Variants in SPRY3 observed in about 807,000 individuals in gnomAD.
SPRY3 encodes the protein sprouty RTK signaling antagonist 3.
In SPRY3, 15 loss-of-function variants were observed where a neutral mutation model predicts 20.2. That is an observed-to-expected ratio of 0.74 (90% CI 0.50 to 1.14). The LOEUF is 1.14. SPRY3 is among the 50% of genes most tolerant of loss of function. The pLI, the probability that SPRY3 is intolerant of heterozygous loss-of-function variation, is 0.00. For synonymous variants in SPRY3, 143 were observed against 136.5 expected (o/e 1.05, Z -0.33); for missense variants, 364 against 363.9 (o/e 1.00, Z 0.00).
chrX:155,738,052 G>T (rs1247020132), intron 2 of SPRY3, among the ~76,000 whole-genome samples: 1 of 152,072 alleles, frequency 6.6e-6, no homozygotes, highest in African/African-American at 2.4e-5. Flanking sequence ...ATGCAAAATA[G>T]ATCATGGATT....
intron 1 of SPRY3, among the ~76,000 whole-genome samples, chrX:155,616,135 C>CTCTCTCTCTCTCTCTCTCT (rs2067852557): frequency 3.1e-5 from 1 of 32,219 alleles, no homozygotes; most frequent in Non-Finnish European, 1.5e-4. Context: ...TCTCTCCTCT[C>CTCTCTCTCTCTCTCTCTCT]TCTCTCTCTC....
At chrX:155,695,547 T>C (rs1391158126) in intron 2 of SPRY3, among the ~76,000 whole-genome samples, 1 of 111,169 alleles carries the variant, frequency 9.0e-6, no homozygotes, top group African/African-American at 3.3e-5. Flanking sequence ...TTTCTTTACA[T>C]ATTTTTCTGC....
intron 2 of SPRY3, among the ~76,000 whole-genome samples, chrX:155,766,737 C>G (rs2091332847): frequency 6.6e-6 from 1 of 152,154 alleles, no homozygotes; most frequent in South Asian, 2.1e-4. Flanking sequence ...ATGTCCAAGG[C>G]TGCTTTATTT....
chrX:155,704,451 A>T (rs2090934698), intron 2 of SPRY3, among the ~76,000 whole-genome samples: 1 of 151,846 alleles, frequency 6.6e-6, no homozygotes, highest in African/African-American at 2.4e-5. Flanking sequence ...AAATTGAAAC[A>T]AAAATTTAGA....
intron 2 of SPRY3, among the ~76,000 whole-genome samples, chrX:155,746,504 G>C (rs1263987643): frequency 1.3e-5 from 2 of 151,880 alleles, no homozygotes; most frequent in African/African-American, 2.4e-5. Flanking sequence ...TATTCTCCAA[G>C]ATTTAAATTT....
rs183378835 is a variant in SPRY3 at position 155,743,531 on chromosome X, C to T, written c.-281-24431C>T. ...ATGTTTGAAATGGGGATGGCAGCAC[C>T]TGCTTTCTTAGTAACACTGTGAGGG... On this transcript the variant is annotated intron_variant, in intron 2 of 3. Coordinates refer to ENST00000675360, the Ensembl canonical transcript of SPRY3. 4.0e-3 allele frequency among the ~76,000 whole-genome samples: 608 copies of T among 152,198 alleles called. 4 individuals carry two copies. The highest frequency in any genetic ancestry group is 0.014 in the African/African-American group (578 of 41,514).
intron 2 of SPRY3, among the ~76,000 whole-genome samples, chrX:155,716,951 C>T (rs1456709452): frequency 7.3e-6 from 1 of 136,386 alleles, no homozygotes; most frequent in African/African-American, 2.8e-5. Context: ...CTGGGCAACA[C>T]GGTGAAACCC....
intron 2 of SPRY3, among the ~76,000 whole-genome samples, chrX:155,709,166 T>A (rs1275426266): frequency 2.6e-5 from 4 of 151,682 alleles, no homozygotes; most frequent in Non-Finnish European, 5.9e-5. Context: ...ACTGATTTCT[T>A]GTCTTTTGGG....
At chrX:155,687,601 C>A (rs929911948) in intron 2 of SPRY3, among the ~76,000 whole-genome samples, 6 of 112,241 alleles carry the variant, frequency 5.3e-5, no homozygotes, top group Non-Finnish European at 1.1e-4. Context: ...GCATTATATC[C>A]ATTTCTTACA....
At chrX:155,671,545 G>A (rs1481536359) in intron 2 of SPRY3, among the ~76,000 whole-genome samples, 1 of 110,966 alleles carries the variant, frequency 9.0e-6, no homozygotes, top group Non-Finnish European at 1.9e-5. Flanking sequence ...TGAGCAGATA[G>A]CCATAGTGTC....
intron 2 of SPRY3, among the ~76,000 whole-genome samples, chrX:155,718,337 C>T (rs2091035398): frequency 6.6e-6 from 1 of 151,850 alleles, no homozygotes; most frequent in African/African-American, 2.4e-5. Context: ...AAAATACCAC[C>T]CTCCCAGATA....
At chrX:155,721,786 C>T (rs1346785039) in intron 2 of SPRY3, among the ~76,000 whole-genome samples, 6 of 152,212 alleles carry the variant, frequency 3.9e-5, no homozygotes, top group African/African-American at 9.6e-5. Context: ...CAACACCAGA[C>T]CTGTCCTAGA....
intron 2 of SPRY3, among the ~76,000 whole-genome samples, chrX:155,688,803 T>TA (rs2068095584): frequency 5.2e-5 from 3 of 57,459 alleles, no homozygotes; most frequent in African/African-American, 3.9e-4. Context: ...CCTAGCTCTT[T>TA]TCCCTAATGC....
chrX:155,681,275 G>C (rs758766607), intron 2 of SPRY3, among the ~76,000 whole-genome samples: 1 of 111,762 alleles, frequency 8.9e-6, no homozygotes, highest in South Asian at 3.8e-4. Flanking sequence ...TTCTGCTTTT[G>C]CATCTTCCTC....
intron 3 of SPRY3, among the ~76,000 whole-genome samples, chrX:155,770,528 C>T (rs750120023): frequency 6.6e-6 from 1 of 152,220 alleles, no homozygotes; most frequent in Admixed American, 6.5e-5. Context: ...TCATTCATTA[C>T]TGCAGAGGCA....
At chrX:155,727,276 GT>G (rs1403733671) in intron 2 of SPRY3, among the ~76,000 whole-genome samples, 3 of 152,048 alleles carry the variant, frequency 2.0e-5, no homozygotes, top group Non-Finnish European at 4.4e-5. Flanking sequence ...TGACAATTAT[GT>G]GTCTTGGGGT....
intron 2 of SPRY3, among the ~76,000 whole-genome samples, chrX:155,749,583 A>T (rs1042754159): frequency 2.6e-5 from 4 of 151,836 alleles, no homozygotes; most frequent in African/African-American, 9.7e-5. Context: ...GGGGGTTTTG[A>T]CTAATAGCAA....
chrX:155,740,803 C>A (rs750938345), intron 2 of SPRY3, among the ~76,000 whole-genome samples: 1 of 152,198 alleles, frequency 6.6e-6, no homozygotes, highest in African/African-American at 2.4e-5. Flanking sequence ...ATCATGTGAT[C>A]TTTGTGACCT....
intron 2 of SPRY3, among the ~76,000 whole-genome samples, chrX:155,695,831 A>C (rs1042729502): frequency 2.7e-5 from 3 of 110,537 alleles, no homozygotes; most frequent in African/African-American, 9.9e-5. Flanking sequence ...TTTTCTGCTG[A>C]TATTTCCAAT....
Sources: allele counts gnomAD v4.1 joint callset (sites outside exome capture counted in the v4.1 genomes callset), GRCh38; gene constraint gnomAD v4.1.1; transcripts MANE v1.5; gene names NCBI Gene and HGNC (gene_info 2026-07-23, HGNC 2026-07-21).